The following CNTN4 variants were observed in gnomAD, a reference collection of about 807,000 sequenced individuals.
The protein encoded by CNTN4 is contactin-4.
A neutral mutation model predicts 122.5 loss-of-function variants in CNTN4; 77 were observed. The ratio of observed to expected loss-of-function variants is 0.63; its 90% CI spans 0.52 to 0.76. CNTN4 has a LOEUF of 0.76. Ranked by LOEUF, CNTN4 falls within the 30% of genes least tolerant of loss-of-function variation. The probability of loss-of-function intolerance (pLI) is 0.00; values close to 1 mark genes in which losing one functional copy is unlikely to be tolerated. For synonymous variants in CNTN4, 512 were observed against 447.0 expected (o/e 1.15, Z -1.83); for missense variants, 1,256 against 1,259.1 (o/e 1.00, Z 0.04).
intron 13 of CNTN4, among the ~76,000 whole-genome samples, chr3:2,934,083 T>C (rs2094547822): frequency 6.6e-6 from 1 of 152,046 alleles, no homozygotes; most frequent in Non-Finnish European, 1.5e-5. Context: ...CTCAAAAAAA[T>C]AATGGTGCAA....
At chr3:2,461,614 A>G (rs946945444) in intron 3 of CNTN4, among the ~76,000 whole-genome samples, 2 of 152,218 alleles carry the variant, frequency 1.3e-5, no homozygotes, top group African/African-American at 4.8e-5. Flanking sequence ...TGCTTTATCA[A>G]TGAGTAAACT....
chr3:2,355,933 T>A (rs190988491), intron 3 of CNTN4, among the ~76,000 whole-genome samples: 6 of 152,338 alleles, frequency 3.9e-5, no homozygotes, highest in Admixed American at 2.0e-4. Context: ...TATCCCTGGT[T>A]AGTATATAAC....
At chr3:2,714,845 C>T (rs562463621) in intron 4 of CNTN4, among the ~76,000 whole-genome samples, 9 of 152,276 alleles carry the variant, frequency 5.9e-5, no homozygotes, top group African/African-American at 1.7e-4. Flanking sequence ...TCAAACGATC[C>T]TCCTTCCTTG....
chr3:2,634,676 GA>G (rs10655083), intron 4 of CNTN4, among the ~76,000 whole-genome samples: 8,656 of 134,600 alleles, frequency 0.064, 351 homozygotes, highest in Admixed American at 0.14. Context: ...TAAAAATACA[GA>G]AAAAAAAAAA....
chr3:2,745,153 A>G (rs2089683281), intron 5 of CNTN4, among the ~76,000 whole-genome samples: 1 of 152,216 alleles, frequency 6.6e-6, no homozygotes, highest in Non-Finnish European at 1.5e-5. Flanking sequence ...TATTTAAAGA[A>G]TGATTGCAAA....
chr3:2,819,268 G>A (rs1237731057), intron 6 of CNTN4, among the ~76,000 whole-genome samples: 1 of 152,076 alleles, frequency 6.6e-6, no homozygotes, highest in Non-Finnish European at 1.5e-5. Flanking sequence ...ATCTAAATAG[G>A]CACGTGTGGT....
At chr3:2,965,529 T>C (rs927727548) in intron 13 of CNTN4, among the ~76,000 whole-genome samples, 9 of 152,218 alleles carry the variant, frequency 5.9e-5, no homozygotes, top group African/African-American at 2.2e-4. Flanking sequence ...CACATTTGCT[T>C]AGCCATCTCT....
chr3:2,526,959 G>C (rs183629477), intron 3 of CNTN4, among the ~76,000 whole-genome samples: 1 of 152,144 alleles, frequency 6.6e-6, no homozygotes, highest in Non-Finnish European at 1.5e-5. Context: ...TTTCATTGCT[G>C]ACTTTCTTTA....
intron 2 of CNTN4, among the ~76,000 whole-genome samples, chr3:2,104,268 CCTT>C (rs1323116881): frequency 1.3e-5 from 2 of 149,766 alleles, no homozygotes; most frequent in African/African-American, 4.9e-5. Flanking sequence ...GTTTCAAGTC[CCTT>C]CTTATGATTT....
chr3:2,992,037 C>T (rs945523727), intron 14 of CNTN4, among the ~76,000 whole-genome samples: 2 of 152,118 alleles, frequency 1.3e-5, no homozygotes, highest in Non-Finnish European at 2.9e-5. Flanking sequence ...TCTCTTTCTC[C>T]CTACCCTTGC....
chr3:2,984,420 G>A (rs62234363), intron 13 of CNTN4, among the ~76,000 whole-genome samples: 1,612 of 152,314 alleles, frequency 0.011, 12 homozygotes, highest in Middle Eastern at 0.027. Flanking sequence ...ATGACGTGGG[G>A]AAGGGTTAGA....
intron 12 of CNTN4, among the ~76,000 whole-genome samples, chr3:2,915,589 T>C (rs186580460): frequency 3.3e-5 from 5 of 152,294 alleles, no homozygotes; most frequent in Admixed American, 2.6e-4. Flanking sequence ...TTTCTGATCT[T>C]AGAGAAAAAG....
intron 14 of CNTN4, chr3:2,988,724 GTA>G: frequency 2.1e-6 from 1 of 469,462 alleles, no homozygotes; most frequent in Non-Finnish European, 3.9e-6. Flanking sequence ...ATCTCTTATA[GTA>G]TTGTAACGAA....
At chr3:2,618,057 C>A (rs1047885660) in intron 4 of CNTN4, among the ~76,000 whole-genome samples, 3 of 152,116 alleles carry the variant, frequency 2.0e-5, no homozygotes, top group Admixed American at 2.0e-4. Context: ...ACTATCCACA[C>A]ACTTAGGACA....
chr3:2,379,260 C>T (rs768568341), intron 3 of CNTN4, among the ~76,000 whole-genome samples: 14 of 150,904 alleles, frequency 9.3e-5, no homozygotes, highest in Non-Finnish European at 1.6e-4. Context: ...TACCTTTTTC[C>T]GTTTCCTTTT....
chr3:2,627,330 G>A (rs1289879616), intron 4 of CNTN4, among the ~76,000 whole-genome samples: 5 of 152,082 alleles, frequency 3.3e-5, no homozygotes, highest in Admixed American at 6.6e-5. Context: ...AGTCATTCTT[G>A]CAAGTTATGT....
At chr3:2,404,842 T>A (rs2046976541) in intron 3 of CNTN4, among the ~76,000 whole-genome samples, 1 of 152,140 alleles carries the variant, frequency 6.6e-6, no homozygotes, top group South Asian at 2.1e-4. Context: ...ACCCCCAAAA[T>A]CATGTTGTTT....
intron 4 of CNTN4, among the ~76,000 whole-genome samples, chr3:2,618,596 AAC>A: frequency 6.6e-6 from 1 of 152,298 alleles, no homozygotes; most frequent in Admixed American, 6.5e-5. Flanking sequence ...TCATAAATTA[AAC>A]AGTTTGCTCA....
At chr3:2,393,893 G>T (rs2046536482) in intron 3 of CNTN4, among the ~76,000 whole-genome samples, 1 of 151,942 alleles carries the variant, frequency 6.6e-6, no homozygotes, top group Non-Finnish European at 1.5e-5. Flanking sequence ...CTCTTGGTGG[G>T]TCTAGATATG....
Sources: allele counts gnomAD v4.1 joint callset (sites outside exome capture counted in the v4.1 genomes callset), GRCh38; gene constraint gnomAD v4.1.1; transcripts MANE v1.5; gene names NCBI Gene and HGNC (gene_info 2026-07-23, HGNC 2026-07-21).